The following NAV2 variants were observed in gnomAD, a reference collection of about 807,000 sequenced individuals.
NAV2 encodes neuron navigator 2.
Under a neutral mutation model 223.2 loss-of-function variants are expected in NAV2, and 54 were observed. That is an observed-to-expected ratio of 0.24 (90% CI 0.19 to 0.30). NAV2 has a LOEUF of 0.30. Ranked by LOEUF, NAV2 falls within the 10% of genes least tolerant of loss-of-function variation. The pLI is 1.00. For missense variants in NAV2, 2,806 were observed against 3,147.5 expected, an observed-to-expected ratio of 0.89 and a Z score of 2.60; for synonymous variants, 1,279 against 1,239.3, an observed-to-expected ratio of 1.03 and a Z score of -0.67.
At chr11:19,366,656 A>G (rs1256045516) in intron 1 of NAV2, among the ~76,000 whole-genome samples, 2 of 152,178 alleles carry the variant, frequency 1.3e-5, no homozygotes, top group Non-Finnish European at 2.9e-5. Context: ...TTACAGTGGA[A>G]CCATATGCAA....
intron 6 of NAV2, among the ~76,000 whole-genome samples, chr11:19,905,053 A>G (rs1205803206): frequency 6.6e-6 from 1 of 152,160 alleles, no homozygotes; most frequent in African/African-American, 2.4e-5. Context: ...GGTTCCCTTA[A>G]AAGTATTCAT....
At chr11:19,488,690 G>T (rs754118900) in intron 1 of NAV2, among the ~76,000 whole-genome samples, 14 of 152,172 alleles carry the variant, frequency 9.2e-5, no homozygotes, top group East Asian at 5.8e-4. Flanking sequence ...GCTAGTTATT[G>T]CTCAATAGTG....
rs76370682 is a variant in NAV2 at position 19,359,143 on chromosome 11, T to C, written c.75+8116T>C. Among the ~76,000 whole-genome samples the C allele has an allele frequency of 4.5e-4, 69 of 152,352 alleles. 1 individual carries two copies. In the East Asian group the frequency reaches 8.9e-3, roughly 20 times the overall value. ...CTTTGACTCTCTGAGTTAGATTCTT[T>C]GTGGCACAGAGCAGTAGTTTCTTAG... On this transcript the variant is annotated intron_variant, in intron 1 of 37. Transcript: ENST00000360655.
At chr11:19,929,978 C>T (rs1247333769) in intron 6 of NAV2, among the ~76,000 whole-genome samples, 1 of 152,162 alleles carries the variant, frequency 6.6e-6, no homozygotes, top group Non-Finnish European at 1.5e-5. Flanking sequence ...GTTCTCATAG[C>T]ACCTCATAGA....
chr11:20,091,417 A>C (rs1208594559), intron 27 of NAV2, among the ~76,000 whole-genome samples: 2 of 152,014 alleles, frequency 1.3e-5, no homozygotes, highest in Non-Finnish European at 2.9e-5. Context: ...TTCCTCTTTC[A>C]TATTGTTCCC....
chr11:20,032,365 A>G (rs189190572), intron 11 of NAV2, among the ~76,000 whole-genome samples: 2 of 152,298 alleles, frequency 1.3e-5, no homozygotes, highest in African/African-American at 4.8e-5. Context: ...TATGGGAAGA[A>G]TCCTGTGTAT....
rs190238152 is a variant in NAV2 at position 19,842,935 on chromosome 11, A to G, written c.438+12A>G. On this transcript the variant is annotated intron_variant, in intron 3 of 37. Coordinates refer to ENST00000349880, the MANE Select transcript of NAV2 (RefSeq NM_145117.5). ...ACAGATCCCAAATGGTAAGTGGTGC[A>G]TAGGTAGTAAATGTTTGAGTTCTGT... The G allele has an allele frequency of 6.2e-7, 1 of 1,612,660 alleles. No individual in the cohort carries two copies. The highest frequency in any genetic ancestry group is 1.7e-5 in the Admixed American group (1 of 59,970).
chr11:19,527,613 C>T (rs1217497019), intron 1 of NAV2, among the ~76,000 whole-genome samples: 1 of 149,650 alleles, frequency 6.7e-6, no homozygotes, highest in African/African-American at 2.5e-5. Flanking sequence ...GTAGCACCAG[C>T]CCCACCCCCA....
chr11:19,515,603 A>G (rs1349101533), intron 1 of NAV2, among the ~76,000 whole-genome samples: 1 of 152,192 alleles, frequency 6.6e-6, no homozygotes, highest in Non-Finnish European at 1.5e-5. Context: ...CCAGATGCTA[A>G]TTGCTCTTCA....
intron 1 of NAV2, among the ~76,000 whole-genome samples, chr11:19,747,214 GACAC>G (rs2053444243): frequency 6.6e-6 from 1 of 151,828 alleles, no homozygotes; most frequent in Non-Finnish European, 1.5e-5. Context: ...CCCTATAAAG[GACAC>G]GAACTCATCA....
chr11:19,438,128 G>C (rs1325833836), intron 1 of NAV2, among the ~76,000 whole-genome samples: 8 of 152,198 alleles, frequency 5.3e-5, no homozygotes, highest in Non-Finnish European at 1.2e-4. Flanking sequence ...CCCATCCCTT[G>C]TTCTATAGTC....
chr11:19,703,863 G>A (rs2049582001), intron 1 of NAV2, among the ~76,000 whole-genome samples: 1 of 152,200 alleles, frequency 6.6e-6, no homozygotes, highest in African/African-American at 2.4e-5. Context: ...CATTGGTCCA[G>A]GGTGGGACCA....
At chr11:19,631,108 A>C (rs200709872) in intron 1 of NAV2, among the ~76,000 whole-genome samples, 2 of 95,428 alleles carry the variant, frequency 2.1e-5, no homozygotes, top group Non-Finnish European at 4.6e-5. Context: ...TTTTTCTTTT[A>C]TTTTATTATT....
chr11:19,918,305 G>A (rs2043978134), intron 6 of NAV2, among the ~76,000 whole-genome samples: 1 of 152,232 alleles, frequency 6.6e-6, no homozygotes, highest in Admixed American at 6.5e-5. Context: ...CTGGTATCTG[G>A]ATTGACAGCT....
At chr11:19,406,228 A>G (rs2133355129) in intron 1 of NAV2, among the ~76,000 whole-genome samples, 1 of 152,236 alleles carries the variant, frequency 6.6e-6, no homozygotes, top group South Asian at 2.1e-4. Context: ...CTGTGGACTC[A>G]TCCTGAGTTT....
At chr11:19,469,730 A>G (rs900351606) in intron 1 of NAV2, among the ~76,000 whole-genome samples, 7 of 152,212 alleles carry the variant, frequency 4.6e-5, no homozygotes, top group African/African-American at 1.2e-4. Context: ...TAACTGGGCT[A>G]TGATATTTTC....
chr11:19,428,258 C>T (rs924274482), intron 1 of NAV2, among the ~76,000 whole-genome samples: 1 of 152,096 alleles, frequency 6.6e-6, no homozygotes, highest in Non-Finnish European at 1.5e-5. Flanking sequence ...CATACCATTT[C>T]CCAATTTGTT....
chr11:19,620,324 G>A (rs1262336287), intron 1 of NAV2, among the ~76,000 whole-genome samples: 3 of 152,110 alleles, frequency 2.0e-5, no homozygotes, highest in African/African-American at 4.8e-5. Flanking sequence ...GATGGGGATG[G>A]CATTGAATCT....
In NAV2 at chr11:19,864,231, A is replaced by G. The variant is rs115580335; in HGVS notation, c.439-4694A>G. ...AAAAAACTATTAAACCATAAGAACTACAGTTCCATTTATTTGGTATGCCCA... is the reference window on the plus strand; with the variant it reads ...AAAAAACTATTAAACCATAAGAACTGCAGTTCCATTTATTTGGTATGCCCA... On this transcript the variant is annotated intron_variant, in intron 3 of 37. Coordinates refer to ENST00000349880, the MANE Select transcript of NAV2 (RefSeq NM_145117.5). 6.4e-3 allele frequency among the ~76,000 whole-genome samples: 978 copies of G among 152,318 alleles called. 11 individuals carry two copies. Among genetic ancestry groups the G allele is most frequent in the African/African-American group, 0.023 (941 of 41,560 alleles).
Sources: allele counts gnomAD v4.1 joint callset (sites outside exome capture counted in the v4.1 genomes callset), GRCh38; gene constraint gnomAD v4.1.1; transcripts MANE v1.5; gene names NCBI Gene and HGNC (gene_info 2026-07-23, HGNC 2026-07-21).